Variants in SOX10 observed in about 807,000 individuals in gnomAD.
SOX10 encodes transcription factor SOX-10.
Under a neutral mutation model 35.0 loss-of-function variants are expected in SOX10, and 3 were observed. The ratio of observed to expected loss-of-function variants is 0.09; its 90% CI spans 0.04 to 0.22. The LOEUF is 0.22. Among genes scored for constraint, SOX10 ranks in the 10% least tolerant of loss-of-function variants. The probability of loss-of-function intolerance (pLI) is 1.00; values close to 1 mark genes in which losing one functional copy is unlikely to be tolerated. For synonymous variants in SOX10, 285 were observed against 291.0 expected, an observed-to-expected ratio of 0.98 and a Z score of 0.21; for missense variants, 436 against 655.1, an observed-to-expected ratio of 0.67 and a Z score of 3.65.
At position 37,976,415 on chromosome 22, in the gene SOX10, C is replaced by T. The variant is rs776980678; in HGVS notation, c.697+1452G>A. 3.3e-4 allele frequency among the ~76,000 whole-genome samples: 51 copies of T among 152,306 alleles called. 1 individual carries two copies. Among genetic ancestry groups the T allele is most frequent in the Middle Eastern group, 3.4e-3 (1 of 294 alleles). Reference sequence around the variant, plus strand: ...TTTCATCCCTGCTCCTCTCTCTAGACTATGGGCCCCTGAGGCCAGGGACTG... The same window carrying T: ...TTTCATCCCTGCTCCTCTCTCTAGATTATGGGCCCCTGAGGCCAGGGACTG... On this transcript the variant is annotated intron_variant, in intron 3 of 3. Coordinates refer to ENST00000396884, the MANE Select transcript of SOX10 (RefSeq NM_006941.4).
chr22:37,974,158 C>T lies in SOX10; in HGVS notation c.738G>A (p.Lys246=), dbSNP rs1201532253. The change falls in exon 4 of 4, where the codon AAG becomes AAA. Residue 246 remains lysine, a synonymous_variant. Transcript: ENST00000396884. This position sits in a 1 kb window ranked among gnomAD's most constrained non-coding sequence, Gnocchi z 5.4. ...CTGCCTTGCCCGACTGCAGCTCTGT[C>T]TTCGGGGTGGTTGGAGGGGTGGGTG... is the stretch of plus-strand genomic sequence containing the variant. ...HGPPTPPTTP[K]TELQSGKADP... 13 of 1,608,568 alleles carry T rather than the reference C, an allele frequency of 8.1e-6. No homozygotes were observed. The highest frequency in any genetic ancestry group is 1.1e-5 in the Non-Finnish European group (13 of 1,179,578).
At chr22:37,977,808 C>A (rs1340852366) in intron 3 of SOX10, 59 bp downstream of exon 3, 1 of 1,549,820 alleles carries the variant, frequency 6.5e-7, no homozygotes, top group Non-Finnish European at 8.8e-7. Context: ...GCCATCCAGC[C>A]ATCTCCTGTC....
In SOX10 at chr22:37,973,542, G is replaced by T; in HGVS notation, c.1354C>A (p.Pro452Thr). The change falls in exon 4 of 4, where the codon CCC becomes ACC. Residue 452 changes from proline (P) to threonine (T), a missense_variant. By Grantham distance (38) the Pro-to-Thr change is conservative (BLOSUM62 -1). Coordinates refer to ENST00000396884, the MANE Select transcript of SOX10 (RefSeq NM_006941.4). ...PSPSGPQSHS[P>T]THWEQPVYTT... ...TATACTGGCTGCTCCCAGTGTGTGG[G>T]GCTGTGGGACTGGGGCCCTGAGGGG... 6.2e-7 allele frequency: 1 copy of T among 1,611,912 alleles called. No homozygotes were observed. Among genetic ancestry groups the T allele is most frequent in the Non-Finnish European group, 8.5e-7 (1 of 1,179,576 alleles).
chr22:37,983,282 G>T lies in SOX10; in HGVS notation c.428+75C>A. 6.6e-7 allele frequency: 1 copy of T among 1,505,968 alleles called. No homozygotes were observed. Among genetic ancestry groups the T allele is most frequent in the Non-Finnish European group, 9.0e-7 (1 of 1,113,564 alleles). 93.3% of individuals were successfully genotyped at this position (1,505,968 alleles called of 1,614,324 possible). On this transcript the variant is annotated intron_variant, in intron 2 of 3. Transcript: ENST00000396884. The surrounding 1 kb of genome is among the most constrained non-coding windows in gnomAD (Gnocchi z 9.5). ...GACAGTCCCGCTCTGAGGTGCAGGA[G>T]GCCGGGCCGCCTCGGCTACCCTGAA...
rs1281708386 is a variant in SOX10 at position 37,984,250 on chromosome 22, G to A, written c.-85+89C>T. 1 of 154,622 alleles carries A rather than the reference G, an allele frequency of 6.5e-6. No homozygotes were observed. The highest frequency in any genetic ancestry group is 2.4e-5 in the African/African-American group (1 of 41,454). The allele number at this position is 154,622 out of a possible 1,614,324, so 9.6% of individuals were successfully genotyped here. On this transcript the variant is annotated intron_variant, in intron 1 of 3. Coordinates refer to ENST00000396884, the MANE Select transcript of SOX10 (RefSeq NM_006941.4). This position sits in a 1 kb window ranked among gnomAD's most constrained non-coding sequence, Gnocchi z 4.4. The stretch of plus-strand genomic sequence containing the variant: ...AACGGGGTTTAGAGGAGAGCCAGGT[G>A]GGGGGCAAGGGCGGGGTGTCGCCTC...
chr22:37,977,034 G>A (rs754968603), intron 3 of SOX10, among the ~76,000 whole-genome samples: 2 of 151,650 alleles, frequency 1.3e-5, no homozygotes, highest in African/African-American at 4.8e-5. Flanking sequence ...CAGACGTGGC[G>A]GTGTGCACCT....
rs1205396176 is a variant in SOX10, at chr22:37,972,881, G to GATCCTTCC, written c.*613_*614insGGAAGGAT. The GATCCTTCC allele has an allele frequency of 6.5e-6, 1 of 153,366 alleles. No individual in the cohort carries two copies. The highest frequency in any genetic ancestry group is 1.5e-5 in the Non-Finnish European group (1 of 68,882). The allele number at this position is 153,366 out of a possible 1,614,324, so 9.5% of individuals were successfully genotyped here. On this transcript the variant is annotated 3_prime_UTR_variant, in exon 4 of 4. Coordinates refer to ENST00000396884, the MANE Select transcript of SOX10 (RefSeq NM_006941.4). ...CACAGAATTGGATCAGGGGGCCTCTGTGCCAACTCCTTCCTGCCTTCAGAA... is the reference window on the plus strand; with the variant it reads ...CACAGAATTGGATCAGGGGGCCTCTGATCCTTCCTGCCAACTCCTTCCTGCCTTCAGAA...
At position 37,972,458 on chromosome 22, in the gene SOX10, T is replaced by C. The variant is rs1932088948; in HGVS notation, c.*1037A>G. On this transcript the variant is annotated 3_prime_UTR_variant, in exon 4 of 4. Coordinates refer to ENST00000396884, the MANE Select transcript of SOX10 (RefSeq NM_006941.4). ...TTTGGGGGGCTGCAGAACAGGAAAA[T>C]AGGGGCAGATATAGCTACATACTTT... 1 of 345,990 alleles carries C rather than the reference T, an allele frequency of 2.9e-6. No homozygotes were observed. The highest frequency in any genetic ancestry group is 5.7e-6 in the Non-Finnish European group (1 of 174,132). 21.4% of individuals were successfully genotyped at this position (345,990 alleles called of 1,614,324 possible).
chr22:37,975,737 T>C (rs1932200877), intron 3 of SOX10, among the ~76,000 whole-genome samples: 1 of 152,148 alleles, frequency 6.6e-6, no homozygotes, highest in East Asian at 1.9e-4. Context: ...CAGTCTTCTC[T>C]TAACTAGTTT....
chr22:37,983,794 G>C lies in SOX10; in HGVS notation c.-10C>G. 7.0e-7 allele frequency: 1 copy of C among 1,419,990 alleles called. No individual in the cohort carries two copies. Among genetic ancestry groups the C allele is most frequent in the Non-Finnish European group, 9.2e-7 (1 of 1,084,406 alleles). The allele number at this position is 1,419,990 out of a possible 1,614,324, so 88.0% of individuals were successfully genotyped here. A position where few individuals can be genotyped will look rare whatever the true frequency, so the allele number is the denominator to read the frequency against. ...CCTGCTCCTCCGCCATGTCGCCCCCGGCCGCCGCCGCCGCCGCCTCGGCCG... is the reference window on the plus strand; with the variant it reads ...CCTGCTCCTCCGCCATGTCGCCCCCCGCCGCCGCCGCCGCCGCCTCGGCCG... On this transcript the variant is annotated 5_prime_UTR_variant, in exon 2 of 4. Transcript: ENST00000396884. This position sits in a 1 kb window ranked among gnomAD's most constrained non-coding sequence, Gnocchi z 9.5.
In SOX10 at chr22:37,978,060, G is replaced by A; in HGVS notation, c.504C>T (p.His168=). The A allele has an allele frequency of 1.2e-6, 2 of 1,610,328 alleles. No homozygotes were observed. The highest frequency in any genetic ancestry group is 1.7e-6 in the Non-Finnish European group (2 of 1,179,000). ...ERLRMQHKKD[H]PDYKYQPRRR... is the part of the protein sequence containing the mutation. ...GCCTGGGCTGGTACTTGTAGTCCGG[G>A]TGGTCTTTCTTGTGCTGCATACGGA... is the stretch of plus-strand genomic sequence containing the variant. Residue 168 remains histidine (H), a synonymous_variant, in exon 3 of 4, where the codon CAC becomes CAT. Transcript: ENST00000396884. This position sits in a 1 kb window ranked among gnomAD's most constrained non-coding sequence, Gnocchi z 5.0.
At chr22:37,976,403 C>T (rs1932221328) in intron 3 of SOX10, among the ~76,000 whole-genome samples, 3 of 152,172 alleles carry the variant, frequency 2.0e-5, no homozygotes, top group South Asian at 4.1e-4. Context: ...CATCCCTGCT[C>T]CTCTCTCTAG....
Position 37,972,371 on chromosome 22 carries a change from A to C in SOX10, c.*1124T>G. The C allele has an allele frequency of 1.9e-6, 1 of 517,410 alleles. No individual in the cohort carries two copies. Among genetic ancestry groups the C allele is most frequent in the South Asian group, 1.7e-5 (1 of 59,946 alleles). The allele number at this position is 517,410 out of a possible 1,614,324, so 32.1% of individuals were successfully genotyped here. On this transcript the variant is annotated 3_prime_UTR_variant, in exon 4 of 4. Coordinates refer to ENST00000396884, the MANE Select transcript of SOX10 (RefSeq NM_006941.4). The stretch of plus-strand genomic sequence containing the variant: ...TTAATGCAGAGTTAATAGGGGCTAG[A>C]GTGGCTAGGAGAGGGGACTACTGAG...
Position 37,973,596 on chromosome 22 carries a change from G to A in SOX10, c.1300C>T (p.Pro434Ser). The change falls in exon 4 of 4, where the codon CCC (proline) becomes TCC (serine). Residue 434 changes from proline to serine, a missense_variant. By Grantham distance (74) the Pro-to-Ser change is moderately conservative. This residue lies in a region of SOX10 where 285 missense variants were observed against 402.9 expected (regional missense o/e 0.71). Transcript: ENST00000396884. ...GGGTCAGAGATGGCCGTGTAGAGGG[G>A]CCGCTGCGAGGGCCCCATATAGGAG... is the stretch of plus-strand genomic sequence containing the variant. Reference protein sequence around the residue: ...AFSYMGPSQRPLYTAISDPSP... With the variant: ...AFSYMGPSQRSLYTAISDPSP... The A allele has an allele frequency of 6.2e-7, 1 of 1,613,254 alleles. No individual in the cohort carries two copies. The highest frequency in any genetic ancestry group is 1.1e-5 in the South Asian group (1 of 91,082).
At chr22:37,977,305 C>G (rs186396882) in intron 3 of SOX10, among the ~76,000 whole-genome samples, 1 of 151,834 alleles carries the variant, frequency 6.6e-6, no homozygotes, top group Admixed American at 6.6e-5. Flanking sequence ...CACTCCATGA[C>G]CTCCACAGAG....
chr22:37,983,557 G>C lies in SOX10; in HGVS notation c.228C>G (p.Val76=). ...AGTCGTAGCCGCTGAGCACCTGGCT[G>C]ACGGCCTCGCGGATGCACACGGGGA... ...DKFPVCIREA[V]SQVLSGYDWT... is the part of the protein sequence containing the mutation. Residue 76 remains valine (V), a synonymous_variant, in exon 2 of 4, where the codon GTC becomes GTG. Transcript: ENST00000396884. This position sits in a 1 kb window ranked among gnomAD's most constrained non-coding sequence, Gnocchi z 9.5. 1 of 1,610,434 alleles carries C rather than the reference G, an allele frequency of 6.2e-7. No homozygotes were observed. Among genetic ancestry groups the C allele is most frequent in the Non-Finnish European group, 8.5e-7 (1 of 1,178,938 alleles).
In SOX10 at chr22:37,978,267, G is replaced by A; in HGVS notation, c.429-132C>T. 2.1e-6 allele frequency: 2 copies of A among 953,842 alleles called. No homozygotes were observed. The highest frequency in any genetic ancestry group is 3.0e-6 in the Non-Finnish European group (2 of 662,914). The allele number at this position is 953,842 out of a possible 1,614,324, so 59.1% of individuals were successfully genotyped here. On this transcript the variant is annotated intron_variant, in intron 2 of 3. Coordinates refer to ENST00000396884, the MANE Select transcript of SOX10 (RefSeq NM_006941.4). This position sits in a 1 kb window ranked among gnomAD's most constrained non-coding sequence, Gnocchi z 5.0. ...CTGGGATGGGGCACCCAGAGGACAG[G>A]ACCCGGGGTGGGGGCTGTGCCCTAT...
At chr22:37,979,232 G>T (rs1459003136) in intron 2 of SOX10, among the ~76,000 whole-genome samples, 2 of 151,716 alleles carry the variant, frequency 1.3e-5, no homozygotes, top group African/African-American at 4.8e-5. Flanking sequence ...CGGGTAGCTG[G>T]GACTACAGGC....
At position 37,983,638 on chromosome 22, in the gene SOX10, G is replaced by T. The variant is rs1452115330; in HGVS notation, c.147C>A (p.Gly49=). Residue 49 remains glycine, a synonymous_variant, in exon 2 of 4, where the codon GGC becomes GGA. Transcript: ENST00000396884. This position sits in a 1 kb window ranked among gnomAD's most constrained non-coding sequence, Gnocchi z 9.5. ...GSGLRASPGP[G]ELGKVKKEQQ... ...GCTCCTTCTTGACCTTGCCCAGCTC[G>T]CCTGGCCCCGGGCTGGCTCGCAGGC... 1.2e-6 allele frequency: 2 copies of T among 1,600,478 alleles called. No individual in the cohort carries two copies. The highest frequency in any genetic ancestry group is 1.7e-4 in the Middle Eastern group (1 of 5,966).
Sources: allele counts gnomAD v4.1 joint callset (sites outside exome capture counted in the v4.1 genomes callset), GRCh38; gene constraint gnomAD v4.1.1; regional missense constraint gnomAD v4.1.1; non-coding constraint Gnocchi (gnomAD v3.1); transcripts MANE v1.5; gene names NCBI Gene and HGNC (gene_info 2026-07-23, HGNC 2026-07-21).